CCR7: variants seen among roughly 807,000 people sequenced by gnomAD.
CCR7 encodes the protein C-C chemokine receptor type 7.
A neutral mutation model predicts 26.0 loss-of-function variants in CCR7; 11 were observed. That is an observed-to-expected ratio of 0.42 (90% confidence interval 0.27 to 0.70). CCR7 has a LOEUF of 0.70. CCR7 is among the 30% of genes least tolerant of loss of function. CCR7 has a pLI of 0.23. For missense variants in CCR7, 360 were observed against 504.0 expected (o/e 0.71, Z 2.74); for synonymous variants, 189 against 202.1 (o/e 0.94, Z 0.55).
rs1204798693 is a variant in CCR7, at chr17:40,565,418, C to G, written c.-9G>C. On this transcript the variant is annotated 5_prime_UTR_variant, in exon 1 of 3. Coordinates refer to ENST00000246657, the MANE Select transcript of CCR7 (RefSeq NM_001838.4). ...CACTCACCCAGGTCCATGACGCTCT[C>G]TGGGCGGTAAAACCACACAGGAAGG... 2 of 1,613,598 alleles carry G rather than the reference C, an allele frequency of 1.2e-6. No homozygotes were observed. The highest frequency in any genetic ancestry group is 3.3e-5 in the Admixed American group (2 of 60,012).
chr17:40,565,472 T>C lies in CCR7; in HGVS notation c.-63A>G, dbSNP rs1342710775. On this transcript the variant is annotated 5_prime_UTR_variant, in exon 1 of 3. Transcript: ENST00000246657. Reference sequence around the variant, plus strand: ...TGCCCGGCCTCGCACTACCCCTGTCTGGGGAGGAAGTGGTTCAAGCCCCTT... The same window carrying C: ...TGCCCGGCCTCGCACTACCCCTGTCCGGGGAGGAAGTGGTTCAAGCCCCTT... 6.4e-7 allele frequency: 1 copy of C among 1,567,376 alleles called. No individual in the cohort carries two copies. Among genetic ancestry groups the C allele is most frequent in the Admixed American group, 1.7e-5 (1 of 59,962 alleles).
chr17:40,557,976 G>T (rs2036611519), intron 2 of CCR7, among the ~76,000 whole-genome samples: 1 of 152,314 alleles, frequency 6.6e-6, no homozygotes, highest in Non-Finnish European at 1.5e-5. Context: ...GGGGAAGGGG[G>T]CCAGGCTATG....
At chr17:40,557,096 A>T (rs1271032241) in intron 2 of CCR7, among the ~76,000 whole-genome samples, 1 of 151,868 alleles carries the variant, frequency 6.6e-6, no homozygotes, top group East Asian at 1.9e-4. Context: ...CTCTCCCCCC[A>T]CCTCTCTGCC....
At chr17:40,557,952 G>C (rs1341660131) in intron 2 of CCR7, among the ~76,000 whole-genome samples, 1 of 152,178 alleles carries the variant, frequency 6.6e-6, no homozygotes, top group African/African-American at 2.4e-5. Context: ...GGAGAGAGAG[G>C]AGGGAGTGGT....
At chr17:40,556,154 C>G (rs942944885) in intron 2 of CCR7, among the ~76,000 whole-genome samples, 1 of 152,134 alleles carries the variant, frequency 6.6e-6, no homozygotes, top group Non-Finnish European at 1.5e-5. Flanking sequence ...AGGTCCGCAT[C>G]ATCAGTATCA....
chr17:40,564,169 G>C (rs891264115), intron 1 of CCR7, among the ~76,000 whole-genome samples: 2 of 152,150 alleles, frequency 1.3e-5, no homozygotes, highest in Admixed American at 1.3e-4. Context: ...ATTTGGAAGA[G>C]ATTTTCAAAA....
At position 40,555,792 on chromosome 17, in the gene CCR7, C is replaced by G. The variant is rs140039442; in HGVS notation, c.87G>C (p.Thr29=). The G allele has an allele frequency of 6.2e-7, 1 of 1,613,706 alleles. No individual in the cohort carries two copies. Among genetic ancestry groups the G allele is most frequent in the Admixed American group, 1.7e-5 (1 of 60,014 alleles). ...FQVCLCQDEV[T]DDYIGDNTTV... ...TGGTGTTGTCTCCGATGTAATCGTC[C>G]GTGACCTCATCTTGACACAGGCATA... is the stretch of plus-strand genomic sequence containing the variant. The change falls in exon 3 of 3, where the codon ACG becomes ACC. Residue 29 remains threonine, a synonymous_variant. Coordinates refer to ENST00000246657, the MANE Select transcript of CCR7 (RefSeq NM_001838.4). The surrounding 1 kb of genome is among the most constrained non-coding windows in gnomAD (Gnocchi z 5.6).
chr17:40,554,492 C>A lies in CCR7; in HGVS notation c.*250G>T. 1 of 516,184 alleles carries A rather than the reference C, an allele frequency of 1.9e-6. No individual in the cohort carries two copies. The allele number at this position is 516,184 out of a possible 1,614,324, so 32.0% of individuals were successfully genotyped here. A position where few individuals can be genotyped will look rare whatever the true frequency, so the allele number is the denominator to read the frequency against. On this transcript the variant is annotated 3_prime_UTR_variant, in exon 3 of 3. Transcript: ENST00000246657. ...CACTTTCAGTTTTTGGTTTAGGGGA[C>A]AATAGCCTCTGTTTCCCAGTGTTGT...
chr17:40,557,822 C>T (rs2036608614), intron 2 of CCR7, among the ~76,000 whole-genome samples: 1 of 152,246 alleles, frequency 6.6e-6, no homozygotes, highest in African/African-American at 2.4e-5. Flanking sequence ...ACATCCTGCC[C>T]TATCTGAGCA....
rs193282140 is a variant in CCR7, at chr17:40,558,926, G to T, written c.27C>A (p.Ser9Arg). 6.2e-7 allele frequency: 1 copy of T among 1,612,554 alleles called. No individual in the cohort carries two copies. Among genetic ancestry groups the T allele is most frequent in the Non-Finnish European group, 8.5e-7 (1 of 1,179,428 alleles). Residue 9 changes from serine (S) to arginine (R), a missense_variant, in exon 2 of 3, where the codon AGC (serine) becomes AGA (arginine). Physicochemically the swap from Ser to Arg is moderately radical, Grantham distance 110 (BLOSUM62 -1). Coordinates refer to ENST00000246657, the MANE Select transcript of CCR7 (RefSeq NM_001838.4). MDLGKPMK[S>R]VLVVALLVIF... ...TGACAAGGAGAGCCACCACCAGCAC[G>T]CTTTTCATTGGTTTCCCTGTAGGAG...
chr17:40,559,090 G>A, intron 1 of CCR7, 148 bp from the exon 2 acceptor site: 1 of 657,586 alleles, frequency 1.5e-6, no homozygotes, highest in Non-Finnish European at 2.6e-6. Context: ...GAACCAGATT[G>A]TGCCTTTGAA....
At chr17:40,557,972 G>A (rs2036611330) in intron 2 of CCR7, among the ~76,000 whole-genome samples, 1 of 152,216 alleles carries the variant, frequency 6.6e-6, no homozygotes, top group Non-Finnish European at 1.5e-5. Context: ...TGATGGGGAA[G>A]GGGGCCAGGC....
At chr17:40,558,406 C>T (rs966500933) in intron 2 of CCR7, among the ~76,000 whole-genome samples, 3 of 152,118 alleles carry the variant, frequency 2.0e-5, no homozygotes, top group African/African-American at 2.4e-5. Context: ...CCAGGGAGGC[C>T]GGATGGGTCT....
At position 40,553,860 on chromosome 17, in the gene CCR7, G is replaced by T. The variant is rs903060713; in HGVS notation, c.*882C>A. The stretch of plus-strand genomic sequence containing the variant: ...TTTATCTGTGTGTGGGTAAAATGTT[G>T]CTCTCTTAACGAATCGAAAGCAGAA... On this transcript the variant is annotated 3_prime_UTR_variant, in exon 3 of 3. Coordinates refer to ENST00000246657, the MANE Select transcript of CCR7 (RefSeq NM_001838.4). The T allele has an allele frequency of 6.6e-6, 1 of 152,054 alleles. No individual in the cohort carries two copies. Among genetic ancestry groups the T allele is most frequent in the Non-Finnish European group, 1.5e-5 (1 of 68,006 alleles). 9.4% of individuals were successfully genotyped at this position (152,054 alleles called of 1,614,324 possible). A position where few individuals can be genotyped will look rare whatever the true frequency, so the allele number is the denominator to read the frequency against.
At chr17:40,563,834 C>T (rs577106047) in intron 1 of CCR7, among the ~76,000 whole-genome samples, 2 of 152,266 alleles carry the variant, frequency 1.3e-5, no homozygotes, top group East Asian at 3.9e-4. Flanking sequence ...CACATCTTCC[C>T]AACCCCCTGT....
chr17:40,559,209 CCT>C (rs2036627277), intron 1 of CCR7, among the ~76,000 whole-genome samples: 2 of 152,212 alleles, frequency 1.3e-5, no homozygotes, highest in Non-Finnish European at 1.5e-5. Context: ...CCTCCCACCC[CCT>C]GTCTTGGCCC....
At chr17:40,559,032 A>G in intron 1 of CCR7, 90 bp from the exon 2 acceptor site, 2 of 1,067,332 alleles carry the variant, frequency 1.9e-6, no homozygotes, top group Middle Eastern at 2.5e-4. Context: ...GCTGTTGGGA[A>G]CTTTCCTCCC....
rs567074162 is a variant in CCR7, at chr17:40,554,371, G to A, written c.*371C>T. ...ATTTGAGTCTGTGGGAGGCCAGAAG[G>A]TTCATTCAGAGGACTCTTCAGGCCA... is the stretch of plus-strand genomic sequence containing the variant. On this transcript the variant is annotated 3_prime_UTR_variant, in exon 3 of 3. Coordinates refer to ENST00000246657, the MANE Select transcript of CCR7 (RefSeq NM_001838.4). The A allele has an allele frequency of 5.1e-6, 1 of 195,166 alleles. No homozygotes were observed. Among genetic ancestry groups the A allele is most frequent in the South Asian group, 1.3e-4 (1 of 7,712 alleles). The allele number at this position is 195,166 out of a possible 1,614,324, so 12.1% of individuals were successfully genotyped here.
In CCR7 at chr17:40,560,346, T is replaced by G. The variant is rs181700386; in HGVS notation, c.11-1404A>C. 4.6e-3 allele frequency among the ~76,000 whole-genome samples: 702 copies of G among 152,196 alleles called. 6 individuals are homozygous for G. Among genetic ancestry groups the G allele is most frequent in the Non-Finnish European group, 6.7e-3 (459 of 68,010 alleles). ...AGGCAGGCCCTTGGCAGCTCCAAGC[T>G]CAATAGCGCCAGGAAATGCGTGGGA... On this transcript the variant is annotated intron_variant, in intron 1 of 2. Coordinates refer to ENST00000246657, the MANE Select transcript of CCR7 (RefSeq NM_001838.4).
Sources: allele counts gnomAD v4.1 joint callset (sites outside exome capture counted in the v4.1 genomes callset), GRCh38; gene constraint gnomAD v4.1.1; non-coding constraint Gnocchi (gnomAD v3.1); transcripts MANE v1.5; gene names NCBI Gene and HGNC (gene_info 2026-07-23, HGNC 2026-07-21).